Variants in GRM5 observed in about 807,000 individuals in gnomAD.
GRM5 encodes the protein glutamate metabotropic receptor 5.
Under a neutral mutation model 83.1 loss-of-function variants are expected in GRM5, and 19 were observed. That is an observed-to-expected ratio of 0.23 (90% CI 0.16 to 0.34). The LOEUF (loss-of-function observed/expected upper bound fraction) is 0.34. Among genes scored for constraint, GRM5 ranks in the 10% least tolerant of loss-of-function variants. The pLI is 1.00. For missense variants in GRM5, 1,160 were observed against 1,588.3 expected (o/e 0.73, Z 4.58); for synonymous variants, 675 against 633.6 (o/e 1.07, Z -0.98).
At chr11:88,738,706 A>T (rs1941968346) in intron 3 of GRM5, among the ~76,000 whole-genome samples, 1 of 152,102 alleles carries the variant, frequency 6.6e-6, no homozygotes, top group Non-Finnish European at 1.5e-5. Flanking sequence ...CTGTTTACCA[A>T]TCTTGACATT....
chr11:88,698,759 A>G (rs1320781068), intron 3 of GRM5, among the ~76,000 whole-genome samples: 1 of 152,192 alleles, frequency 6.6e-6, no homozygotes, highest in African/African-American at 2.4e-5. Context: ...AGTATTCTTA[A>G]TGGTCAAATT....
At chr11:88,538,068 A>G (rs1942176602) in intron 8 of GRM5, among the ~76,000 whole-genome samples, 1 of 151,740 alleles carries the variant, frequency 6.6e-6, no homozygotes, top group African/African-American at 2.4e-5. Context: ...TTCTGCACAA[A>G]GATTTTTTCC....
At position 88,975,999 on chromosome 11, in the gene GRM5, CT is replaced by C. The variant is rs538628679; in HGVS notation, c.661+71212del. Among the ~76,000 whole-genome samples, 25 of 152,298 alleles carry C rather than the reference CT, an allele frequency of 1.6e-4. 1 individual carries two copies. The highest frequency in any genetic ancestry group is 5.3e-4 in the African/African-American group (22 of 41,564). ...GCTATGGTCTCACGTTGGTTTTACA[CT>C]TTCACATGAATATTCAGGTTGCAGC... On this transcript the variant is annotated intron_variant, in intron 2 of 9. Coordinates refer to ENST00000305447, the MANE Select transcript of GRM5 (RefSeq NM_001143831.3).
chr11:88,531,072 A>T (rs1941997048), intron 8 of GRM5, among the ~76,000 whole-genome samples: 1 of 152,128 alleles, frequency 6.6e-6, no homozygotes, highest in African/African-American at 2.4e-5. Context: ...AGATAGAGGG[A>T]TAACTAGATT....
intron 3 of GRM5, among the ~76,000 whole-genome samples, chr11:88,708,332 A>C (rs1941206563): frequency 6.6e-6 from 1 of 152,112 alleles, no homozygotes; most frequent in Non-Finnish European, 1.5e-5. Context: ...GAAACAGGGA[A>C]TAATTTTTTC....
At chr11:88,524,210 CTTTCTTTT>C (rs1941796454) in intron 9 of GRM5, among the ~76,000 whole-genome samples, 1 of 95,446 alleles carries the variant, frequency 1.0e-5, no homozygotes, top group African/African-American at 4.0e-5. Context: ...TTCTTTCTTT[CTTTCTTTT>C]TTTTTTTTTT....
intron 2 of GRM5, among the ~76,000 whole-genome samples, chr11:89,039,151 G>C (rs2135137626): frequency 6.6e-6 from 1 of 151,958 alleles, no homozygotes; most frequent in African/African-American, 2.4e-5. Context: ...TGTAATCCCA[G>C]CTACTCGGGA....
chr11:88,796,475 A>T (rs1943276019), intron 3 of GRM5, among the ~76,000 whole-genome samples: 1 of 152,168 alleles, frequency 6.6e-6, no homozygotes, highest in Admixed American at 6.5e-5. Flanking sequence ...TATACATATG[A>T]CACTCACCAC....
intron 2 of GRM5, 26 bp from the exon 3 acceptor site, chr11:88,850,181 G>C (rs1270228219): frequency 4.0e-6 from 4 of 1,004,064 alleles, no homozygotes; most frequent in Non-Finnish European, 6.3e-6. Flanking sequence ...GATAAGCAGA[G>C]GGATAGTGAA....
rs569058351 is a variant in GRM5 at position 89,061,978 on chromosome 11, A to T, written c.-201+3798T>A. Among the ~76,000 whole-genome samples, 11 of 152,342 alleles carry T rather than the reference A, an allele frequency of 7.2e-5. 1 individual carries two copies. In the South Asian group the frequency reaches 2.3e-3, roughly 32 times the overall value. On this transcript the variant is annotated intron_variant, in intron 1 of 9. Coordinates refer to ENST00000305447, the MANE Select transcript of GRM5 (RefSeq NM_001143831.3). ...TCTTAAGAGAAGCTGTTATTTAGGA[A>T]GTGCTATGTACATTTTTCTCCTAAG... is the stretch of plus-strand genomic sequence containing the variant.
intron 3 of GRM5, among the ~76,000 whole-genome samples, chr11:88,694,462 A>C (rs1205766091): frequency 6.6e-6 from 1 of 152,212 alleles, no homozygotes; most frequent in Non-Finnish European, 1.5e-5. Flanking sequence ...GTGATGTGGT[A>C]TGAATTTAAA....
Position 88,982,087 on chromosome 11 carries a change from G to T in GRM5, c.661+65125C>A, listed in dbSNP as rs189886079. ...TTCAAAATCCTGCTGTTGGTATTGGGTAACCAATATTTTTGCAAGTCAAAT... is the reference window on the plus strand; with the variant it reads ...TTCAAAATCCTGCTGTTGGTATTGGTTAACCAATATTTTTGCAAGTCAAAT... On this transcript the variant is annotated intron_variant, in intron 2 of 9. Transcript: ENST00000305447. 1.3e-3 allele frequency among the ~76,000 whole-genome samples: 203 copies of T among 152,252 alleles called. 1 individual carries two copies. The highest frequency in any genetic ancestry group is 4.5e-3 in the African/African-American group (187 of 41,544).
At chr11:88,758,723 T>C (rs964656140) in intron 3 of GRM5, among the ~76,000 whole-genome samples, 3 of 152,148 alleles carry the variant, frequency 2.0e-5, no homozygotes, top group African/African-American at 4.8e-5. Flanking sequence ...CAAATGTTTA[T>C]ATTCAGGAAA....
intron 7 of GRM5, among the ~76,000 whole-genome samples, chr11:88,578,252 T>C (rs1943154115): frequency 1.3e-5 from 2 of 152,146 alleles, no homozygotes; most frequent in Non-Finnish European, 2.9e-5. Context: ...GAGGAATTTA[T>C]CTGCTTCATA....
At chr11:88,773,574 T>TA (rs1332946079) in intron 3 of GRM5, among the ~76,000 whole-genome samples, 1 of 152,240 alleles carries the variant, frequency 6.6e-6, no homozygotes, top group Non-Finnish European at 1.5e-5. Context: ...CTAGGGTTTT[T>TA]ATGGTTTTAG....
chr11:88,703,800 T>C (rs1941091499), intron 3 of GRM5, among the ~76,000 whole-genome samples: 1 of 151,980 alleles, frequency 6.6e-6, no homozygotes, highest in Non-Finnish European at 1.5e-5. Flanking sequence ...CAATACAAGG[T>C]CTAACTTTTA....
intron 3 of GRM5, among the ~76,000 whole-genome samples, chr11:88,838,374 G>A (rs1444472973): frequency 6.6e-6 from 1 of 152,056 alleles, no homozygotes; most frequent in Non-Finnish European, 1.5e-5. Context: ...AAGTGTGTAC[G>A]ACTCCATCTC....
chr11:88,664,767 A>G (rs998804032), intron 3 of GRM5, among the ~76,000 whole-genome samples: 2 of 152,070 alleles, frequency 1.3e-5, no homozygotes, highest in Non-Finnish European at 2.9e-5. Context: ...TTTTCATTGT[A>G]TTAGGTATTA....
chr11:88,673,078 T>C (rs1940231550), intron 3 of GRM5, among the ~76,000 whole-genome samples: 2 of 152,096 alleles, frequency 1.3e-5, no homozygotes, highest in East Asian at 1.9e-4. Flanking sequence ...TTCACAGAAA[T>C]TTAAAATGTG....
Sources: allele counts gnomAD v4.1 joint callset (sites outside exome capture counted in the v4.1 genomes callset), GRCh38; gene constraint gnomAD v4.1.1; transcripts MANE v1.5; gene names NCBI Gene and HGNC (gene_info 2026-07-23, HGNC 2026-07-21).